Variants in VEGFC observed in about 807,000 individuals in gnomAD.
VEGFC encodes the protein FLT4 ligand DHM.
A neutral mutation model predicts 46.1 loss-of-function variants in VEGFC; 12 were observed. The observed-to-expected ratio is 0.26, with a 90% CI of 0.17 to 0.42. VEGFC has a LOEUF of 0.42. Ranked by LOEUF, VEGFC falls within the 10% of genes least tolerant of loss-of-function variation. VEGFC has a pLI of 1.00. For synonymous variants in VEGFC, 232 were observed against 195.5 expected (o/e 1.19, Z -1.56); for missense variants, 488 against 529.4 (o/e 0.92, Z 0.77).
intron 1 of VEGFC, among the ~76,000 whole-genome samples, chr4:176,762,395 T>A (rs907088375): frequency 5.3e-5 from 8 of 152,130 alleles, no homozygotes; most frequent in Admixed American, 4.6e-4. Context: ...AGGAGCAACA[T>A]TCCTCCCCTC....
chr4:176,730,170 G>A (rs540703147), intron 1 of VEGFC, among the ~76,000 whole-genome samples: 37 of 152,108 alleles, frequency 2.4e-4, no homozygotes, highest in Non-Finnish European at 3.7e-4. Context: ...GCTTAAGCAG[G>A]ATGCTTGAGA....
Position 176,728,105 on chromosome 4 carries a change from G to A in VEGFC, c.362-137C>T, listed in dbSNP as rs748168097. Reference sequence around the variant, plus strand: ...ATATATAACTAAAGAGACAGCTGATGGGATCCTAAATTGACTTGTGAATGA... The same window carrying A: ...ATATATAACTAAAGAGACAGCTGATAGGATCCTAAATTGACTTGTGAATGA... On this transcript the variant is annotated intron_variant, in intron 2 of 6. Transcript: ENST00000618562. The A allele has an allele frequency of 4.2e-5, 25 of 599,374 alleles. 1 individual carries two copies. The South Asian group carries it at 7.1e-4, about 17-fold the overall frequency. 37.1% of individuals were successfully genotyped at this position (599,374 alleles called of 1,614,324 possible). A position where few individuals can be genotyped will look rare whatever the true frequency, so the allele number is the denominator to read the frequency against.
intron 1 of VEGFC, among the ~76,000 whole-genome samples, chr4:176,788,989 A>G (rs1285970840): frequency 6.6e-6 from 1 of 152,240 alleles, no homozygotes; most frequent in South Asian, 2.1e-4. Flanking sequence ...CGTTATGAAC[A>G]TCACAGATAA....
intron 1 of VEGFC, among the ~76,000 whole-genome samples, chr4:176,744,434 G>A (rs1203918694): frequency 2.6e-5 from 4 of 151,966 alleles, no homozygotes; most frequent in Non-Finnish European, 5.9e-5. Flanking sequence ...GTTCTTTTCT[G>A]AATGGAAAAG....
At chr4:176,714,893 C>A (rs548675353) in intron 3 of VEGFC, among the ~76,000 whole-genome samples, 72 of 152,292 alleles carry the variant, frequency 4.7e-4, no homozygotes, top group Admixed American at 9.8e-4. Context: ...AAGAAAGCAT[C>A]TTCCTGGAAA....
At chr4:176,758,671 C>T (rs1192493706) in intron 1 of VEGFC, among the ~76,000 whole-genome samples, 3 of 152,140 alleles carry the variant, frequency 2.0e-5, no homozygotes, top group Non-Finnish European at 4.4e-5. Context: ...GGCTCCTCTT[C>T]TAACCCTAGT....
chr4:176,684,605 G>A (rs1734004740), intron 6 of VEGFC, among the ~76,000 whole-genome samples: 1 of 152,160 alleles, frequency 6.6e-6, no homozygotes, highest in South Asian at 2.1e-4. Flanking sequence ...AGGGAGGTGA[G>A]AAGGACAATA....
chr4:176,692,567 C>T (rs1363683314), intron 4 of VEGFC, among the ~76,000 whole-genome samples: 2 of 135,008 alleles, frequency 1.5e-5, no homozygotes, highest in East Asian at 2.0e-4. Context: ...CCCGCCATTG[C>T]CCAGGCTTGA....
intron 1 of VEGFC, among the ~76,000 whole-genome samples, chr4:176,755,282 GA>G (rs1332423975): frequency 1.3e-5 from 2 of 151,938 alleles, no homozygotes; most frequent in Non-Finnish European, 2.9e-5. Flanking sequence ...CTTACTGCCA[GA>G]ACCCATGCTG....
intron 1 of VEGFC, among the ~76,000 whole-genome samples, chr4:176,735,394 G>T (rs1216780119): frequency 6.6e-6 from 1 of 151,880 alleles, no homozygotes; most frequent in Non-Finnish European, 1.5e-5. Context: ...CCACTGTTTG[G>T]ATGTAAAATG....
chr4:176,710,245 T>C (rs971138840), intron 4 of VEGFC, among the ~76,000 whole-genome samples: 9 of 152,188 alleles, frequency 5.9e-5, no homozygotes, highest in African/African-American at 2.2e-4. Context: ...GCTCTCAGAA[T>C]GGAGGAGTCA....
chr4:176,736,339 G>A (rs1012259927), intron 1 of VEGFC, among the ~76,000 whole-genome samples: 2 of 151,430 alleles, frequency 1.3e-5, no homozygotes, highest in African/African-American at 2.4e-5. Context: ...ACTACTTGTC[G>A]GCCTATGCAT....
At chr4:176,716,043 G>A (rs1410327346) in intron 3 of VEGFC, among the ~76,000 whole-genome samples, 1 of 152,072 alleles carries the variant, frequency 6.6e-6, no homozygotes, top group East Asian at 1.9e-4. Context: ...TGATTTCAGT[G>A]TAATGTTTGG....
intron 4 of VEGFC, among the ~76,000 whole-genome samples, chr4:176,703,701 G>C (rs957399024): frequency 2.0e-5 from 3 of 151,932 alleles, no homozygotes; most frequent in African/African-American, 7.3e-5. Flanking sequence ...TGACCATTAC[G>C]CATTATATGT....
In VEGFC at chr4:176,687,255, G is replaced by A. The variant is rs776959328; in HGVS notation, c.1077C>T (p.Ala359=). Residue 359 remains alanine (A), a synonymous_variant, in exon 6 of 7, where the codon GCC becomes GCT. Coordinates refer to ENST00000618562, the MANE Select transcript of VEGFC (RefSeq NM_005429.5). ...RNQPLNPGKC[A]CECTESPQKC... is the part of the protein sequence containing the mutation. Reference sequence around the variant, plus strand: ...TCTGTGGACTTTCTGTACATTCACAGGCACATTTTCCAGGATTTAGGGGTT... The same window carrying A: ...TCTGTGGACTTTCTGTACATTCACAAGCACATTTTCCAGGATTTAGGGGTT... 3.1e-6 allele frequency: 5 copies of A among 1,613,964 alleles called. No homozygotes were observed. The South Asian group carries it at 5.5e-5, about 18-fold the overall frequency.
At chr4:176,733,925 T>C (rs1307546488) in intron 1 of VEGFC, among the ~76,000 whole-genome samples, 1 of 151,868 alleles carries the variant, frequency 6.6e-6, no homozygotes, top group Non-Finnish European at 1.5e-5. Context: ...TTTAAAAAAA[T>C]AATTTTGCTT....
At chr4:176,727,297 C>G (rs1375573793) in intron 3 of VEGFC, among the ~76,000 whole-genome samples, 1 of 152,150 alleles carries the variant, frequency 6.6e-6, no homozygotes, top group Non-Finnish European at 1.5e-5. Flanking sequence ...GACAGGAAGA[C>G]AATAAATTTC....
Position 176,683,873 on chromosome 4 carries a change from G to A in VEGFC, c.*53C>T, listed in dbSNP as rs974849151. ...CTCTGTTCACAGACAGTTCTACTGT[G>A]GCAACACAGTTTTCCATAATAGAAA... On this transcript the variant is annotated 3_prime_UTR_variant, in exon 7 of 7. Transcript: ENST00000618562. 3.5e-6 allele frequency: 5 copies of A among 1,447,682 alleles called. No individual in the cohort carries two copies. The African/African-American group carries it at 5.6e-5, about 16-fold the overall frequency. The allele number at this position is 1,447,682 out of a possible 1,614,324, so 89.7% of individuals were successfully genotyped here.
chr4:176,783,429 T>C (rs1376176176), intron 1 of VEGFC, among the ~76,000 whole-genome samples: 3 of 152,218 alleles, frequency 2.0e-5, no homozygotes, highest in Non-Finnish European at 4.4e-5. Context: ...GTGGCAATAA[T>C]ATAGATGAGA....
Sources: gnomAD v4.1 joint callset for allele counts (sites outside exome capture counted in the v4.1 genomes callset) on GRCh38, gnomAD v4.1.1 for gene constraint, MANE v1.5 for transcripts, NCBI Gene and HGNC (gene_info 2026-07-23, HGNC 2026-07-21) for gene names.